The following DENND6A variants were observed in gnomAD, a reference collection of about 807,000 sequenced individuals.
The protein encoded by DENND6A is DENN domain containing 6A.
In DENND6A, 43 loss-of-function variants were observed where a neutral mutation model predicts 95.5. The ratio of observed to expected loss-of-function variants is 0.45; its 90% confidence interval spans 0.35 to 0.58. DENND6A has a LOEUF of 0.58. Among genes scored for constraint, DENND6A ranks in the 20% least tolerant of loss-of-function variants. DENND6A has a pLI of 0.00. For missense variants in DENND6A, 574 were observed against 736.0 expected (o/e 0.78, Z 2.55); for synonymous variants, 257 against 260.4 (o/e 0.99, Z 0.13).
At chr3:57,681,706 T>C (rs1027361176) in intron 1 of DENND6A, among the ~76,000 whole-genome samples, 2 of 151,684 alleles carry the variant, frequency 1.3e-5, no homozygotes, top group East Asian at 1.9e-4. Flanking sequence ...CAAAATGTGA[T>C]ATATCCATAC....
In DENND6A at chr3:57,641,751, T is replaced by TA; in HGVS notation, c.1038-5dup. The TA allele has an allele frequency of 1.2e-6, 2 of 1,609,232 alleles. No homozygotes were observed. The highest frequency in any genetic ancestry group is 1.1e-5 in the South Asian group (1 of 90,398). On this transcript the variant is annotated splice_region_variant and splice_polypyrimidine_tract_variant and intron_variant, in intron 11 of 19. Coordinates refer to ENST00000311128, the MANE Select transcript of DENND6A (RefSeq NM_152678.3). The stretch of plus-strand genomic sequence containing the variant: ...TACTCCTAATATAACTGAGGGCCTA[T>TA]AAAAAACAAAACAAAACAAAATAAA...
At chr3:57,641,187 T>G (rs2070922194) in intron 12 of DENND6A, among the ~76,000 whole-genome samples, 1 of 144,894 alleles carries the variant, frequency 6.9e-6, no homozygotes, top group Non-Finnish European at 1.5e-5. Flanking sequence ...TAAATATATA[T>G]TTATATATAT....
Position 57,630,708 on chromosome 3 carries a change from G to T in DENND6A, c.1517+7C>A, listed in dbSNP as rs767695621. 6.2e-7 allele frequency: 1 copy of T among 1,609,520 alleles called. No individual in the cohort carries two copies. Among genetic ancestry groups the T allele is most frequent in the Admixed American group, 1.7e-5 (1 of 58,854 alleles). The stretch of plus-strand genomic sequence containing the variant: ...ACATGGGTGTAAAACAGGGAAAAAA[G>T]ACTAACCGGTAAAGTCCAATCCAAT... On this transcript the variant is annotated splice_region_variant and intron_variant, in intron 17 of 19. Transcript: ENST00000311128.
chr3:57,667,774 T>C lies in DENND6A; in HGVS notation c.320-1539A>G, dbSNP rs115651534. On this transcript the variant is annotated intron_variant, in intron 3 of 19. Coordinates refer to ENST00000311128, the MANE Select transcript of DENND6A (RefSeq NM_152678.3). ...CAACTTGATATTGCTGTAATAAATTTGGACTTTTAGACCAGACACAGTGGC... is the reference window on the plus strand; with the variant it reads ...CAACTTGATATTGCTGTAATAAATTCGGACTTTTAGACCAGACACAGTGGC... Among the ~76,000 whole-genome samples, 427 of 152,338 alleles carry C rather than the reference T, an allele frequency of 2.8e-3. 2 individuals carry two copies. Among genetic ancestry groups the C allele is most frequent in the African/African-American group, 9.5e-3 (394 of 41,578 alleles).
intron 9 of DENND6A, among the ~76,000 whole-genome samples, chr3:57,650,451 TAC>T (rs201602545): frequency 2.1e-3 from 299 of 142,586 alleles, no homozygotes; most frequent in Non-Finnish European, 4.0e-3. Flanking sequence ...CACACATACA[TAC>T]ACACACACAC....
Position 57,634,780 on chromosome 3 carries a change from C to A in DENND6A, c.1133-11G>T. The A allele has an allele frequency of 6.5e-7, 1 of 1,541,054 alleles. No individual in the cohort carries two copies. Among genetic ancestry groups the A allele is most frequent in the East Asian group, 2.3e-5 (1 of 43,192 alleles). On this transcript the variant is annotated splice_polypyrimidine_tract_variant and intron_variant, in intron 12 of 19. Coordinates refer to ENST00000311128, the MANE Select transcript of DENND6A (RefSeq NM_152678.3). Reference sequence around the variant, plus strand: ...GCTTAGGAATTTCACCTGAAGGAAGCAGCATAAAGATTTTTATAATTATTC... The same window carrying A: ...GCTTAGGAATTTCACCTGAAGGAAGAAGCATAAAGATTTTTATAATTATTC...
intron 3 of DENND6A, among the ~76,000 whole-genome samples, chr3:57,669,501 G>A (rs1199362864): frequency 6.7e-6 from 1 of 149,490 alleles, no homozygotes; most frequent in Non-Finnish European, 1.5e-5. Context: ...GGATCACAAG[G>A]TCAGGAGATC....
intron 4 of DENND6A, 87 bp downstream of exon 4, chr3:57,666,036 A>C: frequency 8.9e-7 from 1 of 1,126,162 alleles, no homozygotes; most frequent in Non-Finnish European, 1.3e-6. Context: ...AAAGCAAAAT[A>C]TTTCTGAATG....
chr3:57,666,364 AAAG>A (rs2071524690), intron 3 of DENND6A, 129 bp from the exon 4 acceptor site: 1 of 758,088 alleles, frequency 1.3e-6, no homozygotes, highest in Non-Finnish European at 2.0e-6. Flanking sequence ...TGGAGGAAAA[AAAG>A]AAAATCCTAA....
intron 1 of DENND6A, among the ~76,000 whole-genome samples, chr3:57,688,240 C>G (rs1019584662): frequency 6.6e-6 from 1 of 152,046 alleles, no homozygotes; most frequent in Non-Finnish European, 1.5e-5. Flanking sequence ...AAGTGATCCA[C>G]GCGCCTCAGC....
Position 57,628,157 on chromosome 3 carries a change from A to C in DENND6A, c.*57T>G. 2 of 1,570,760 alleles carry C rather than the reference A, an allele frequency of 1.3e-6. No individual in the cohort carries two copies. The highest frequency in any genetic ancestry group is 1.7e-6 in the Non-Finnish European group (2 of 1,157,602). On this transcript the variant is annotated 3_prime_UTR_variant, in exon 20 of 20. Transcript: ENST00000311128. ...AGATCTCCTTTGTGCGTCTGGTTGA[A>C]ATGTCAGTATGCTTCATGATGCATA...
At chr3:57,689,978 G>T (rs982030405) in intron 1 of DENND6A, among the ~76,000 whole-genome samples, 1 of 151,760 alleles carries the variant, frequency 6.6e-6, no homozygotes, top group Non-Finnish European at 1.5e-5. Context: ...TCGAGTTTAG[G>T]AGTTCGAGGT....
rs1336134950 is a variant in DENND6A, at chr3:57,628,216, A to G, written c.1825T>C (p.Ter609ArgextTer38). The G allele has an allele frequency of 6.2e-7, 1 of 1,611,096 alleles. No individual in the cohort carries two copies. The highest frequency in any genetic ancestry group is 1.7e-5 in the Admixed American group (1 of 59,146). The change falls in exon 20 of 20, where the codon TGA becomes CGA. Residue 609 changes from the stop codon to arginine (R), a stop_lost. Transcript: ENST00000311128. ...QGILLKTGMT[*>R] ...TGGCTGGAAAATCTTGGCAAATATC[A>G]TGTCATGCCCGTTTTGAGCAGTATG...
At chr3:57,686,526 C>G (rs1021327797) in intron 1 of DENND6A, among the ~76,000 whole-genome samples, 1 of 152,160 alleles carries the variant, frequency 6.6e-6, no homozygotes, top group Non-Finnish European at 1.5e-5. Context: ...CTACATTAAG[C>G]AAGTCTATCA....
At chr3:57,643,420 A>AAC (rs375931656) in intron 11 of DENND6A, among the ~76,000 whole-genome samples, 2 of 152,002 alleles carry the variant, frequency 1.3e-5, no homozygotes, top group South Asian at 4.1e-4. Flanking sequence ...CTCCCCCCAC[A>AAC]ACACACACAC....
intron 11 of DENND6A, among the ~76,000 whole-genome samples, chr3:57,642,841 A>G (rs2070978241): frequency 6.6e-6 from 1 of 152,054 alleles, no homozygotes; most frequent in Admixed American, 6.6e-5. Context: ...CCCCATCTCT[A>G]CTAAAAATAC....
Position 57,692,797 on chromosome 3 carries a change from C to G in DENND6A, c.222G>C (p.Leu74=), listed in dbSNP as rs758043457. 25 of 1,548,638 alleles carry G rather than the reference C, an allele frequency of 1.6e-5. No individual in the cohort carries two copies. The highest frequency in any genetic ancestry group is 1.9e-5 in the Admixed American group (1 of 51,368). The change falls in exon 1 of 20, where the codon CTG becomes CTC. Residue 74 remains leucine (L), a synonymous_variant. Coordinates refer to ENST00000311128, the MANE Select transcript of DENND6A (RefSeq NM_152678.3). ...CVCVVGFDLE[L]GQAVEVIYPQ... is the part of the protein sequence containing the mutation. ...CGGGCCTCACCTCCACGGCCTGGCC[C>G]AGCTCCAGGTCGAAGCCCACCACAC... is the stretch of plus-strand genomic sequence containing the variant.
At chr3:57,669,115 G>A (rs2071572339) in intron 3 of DENND6A, among the ~76,000 whole-genome samples, 1 of 152,010 alleles carries the variant, frequency 6.6e-6, no homozygotes, top group Admixed American at 6.6e-5. Flanking sequence ...CAAGTTATCT[G>A]TCCGCCTCAG....
intron 1 of DENND6A, among the ~76,000 whole-genome samples, chr3:57,676,263 C>G (rs992445507): frequency 6.6e-6 from 1 of 151,458 alleles, no homozygotes; most frequent in Non-Finnish European, 1.5e-5. Context: ...ACTTGTAATC[C>G]CAGCTACTCA....
Sources: gnomAD v4.1 joint callset for allele counts (sites outside exome capture counted in the v4.1 genomes callset) on GRCh38, gnomAD v4.1.1 for gene constraint, MANE v1.5 for transcripts, NCBI Gene and HGNC (gene_info 2026-07-23, HGNC 2026-07-21) for gene names.